TENM3: variants seen among roughly 807,000 people sequenced by gnomAD.
TENM3 encodes teneurin transmembrane protein 3, also known as teneurin-3.
A neutral mutation model predicts 255.1 loss-of-function variants in TENM3; 63 were observed. That is an observed-to-expected ratio of 0.25 (90% CI 0.20 to 0.30). The LOEUF (loss-of-function observed/expected upper bound fraction) is 0.30, where lower values mean the gene tolerates loss of function less well. Ranked by LOEUF, TENM3 falls within the 10% of genes least tolerant of loss-of-function variation. The pLI is 1.00. For missense variants in TENM3, 2,929 were observed against 3,461.1 expected, an observed-to-expected ratio of 0.85 and a Z score of 3.86; for synonymous variants, 1,306 against 1,322.3, an observed-to-expected ratio of 0.99 and a Z score of 0.27.
At chr4:182,058,332 C>T in the TENM3 span, among the ~76,000 whole-genome samples, 1 of 152,044 alleles carries the variant, frequency 6.6e-6, no homozygotes, top group South Asian at 2.1e-4. Flanking sequence ...CTAGCTATGT[C>T]TCTGGTGGCA....
the TENM3 span, among the ~76,000 whole-genome samples, chr4:181,681,728 G>T: frequency 1.7e-4 from 26 of 149,022 alleles, no homozygotes; most frequent in African/African-American, 6.1e-4. Flanking sequence ...GGCAAAATTT[G>T]GTTTTAGGTA....
the TENM3 span, among the ~76,000 whole-genome samples, chr4:181,583,906 C>T: frequency 6.6e-6 from 1 of 152,216 alleles, no homozygotes; most frequent in Non-Finnish European, 1.5e-5. Flanking sequence ...AGGACACCTT[C>T]CTTGTCTTCT....
the TENM3 span, among the ~76,000 whole-genome samples, chr4:181,575,946 T>C: frequency 1.3e-3 from 193 of 148,730 alleles, 1 homozygote; most frequent in East Asian, 0.017. Context: ...ACACATTTTG[T>C]TTTGCTTTGT....
chr4:181,505,124 C>T, the TENM3 span, among the ~76,000 whole-genome samples: 1 of 152,110 alleles, frequency 6.6e-6, no homozygotes, highest in African/African-American at 2.4e-5. Flanking sequence ...TTGCTCTGCT[C>T]GATATCAGGT....
chr4:182,178,744 C>T (rs1752670699), intron 1 of TENM3, among the ~76,000 whole-genome samples: 1 of 152,164 alleles, frequency 6.6e-6, no homozygotes, highest in African/African-American at 2.4e-5. Flanking sequence ...AAGCTTCTAA[C>T]TTTCTCCAGA....
At chr4:182,422,908 G>A (rs752144893) in intron 3 of TENM3, among the ~76,000 whole-genome samples, 6 of 152,310 alleles carry the variant, frequency 3.9e-5, no homozygotes, top group Non-Finnish European at 8.8e-5. Flanking sequence ...GGCATGGAAA[G>A]TCTAAGTTGC....
chr4:182,755,735 G>T (rs1305214507), intron 22 of TENM3, among the ~76,000 whole-genome samples: 1 of 152,112 alleles, frequency 6.6e-6, no homozygotes, highest in East Asian at 1.9e-4. Flanking sequence ...AGCTACTCGG[G>T]AGGCTGAGGC....
chr4:182,466,981 C>T (rs895192709), intron 3 of TENM3, among the ~76,000 whole-genome samples: 1 of 151,866 alleles, frequency 6.6e-6, no homozygotes, highest in African/African-American at 2.4e-5. Flanking sequence ...TTCTTTTCTC[C>T]CAAGAGTCTC....
chr4:182,452,964 C>T (rs889982306), intron 3 of TENM3, among the ~76,000 whole-genome samples: 5 of 151,656 alleles, frequency 3.3e-5, no homozygotes, highest in African/African-American at 4.8e-5. Context: ...CTGATATGTC[C>T]GAGTTTGGTT....
At chr4:182,643,540 C>A (rs1180724343) in intron 5 of TENM3, among the ~76,000 whole-genome samples, 1 of 152,084 alleles carries the variant, frequency 6.6e-6, no homozygotes, top group East Asian at 1.9e-4. Flanking sequence ...TTCAGATTTT[C>A]TTTGTAAATG....
At position 182,620,245 on chromosome 4, in the gene TENM3, T is replaced by C. The variant is rs543508229; in HGVS notation, c.750-8406T>C. Among the ~76,000 whole-genome samples, 116 of 152,328 alleles carry C rather than the reference T, an allele frequency of 7.6e-4. 2 individuals carry two copies. The South Asian group carries it at 0.024, about 31-fold the overall frequency. On this transcript the variant is annotated intron_variant, in intron 4 of 27. Transcript: ENST00000511685. ...ACTGTCTACTCTCCATATAGCCGAATTTCAGTATTCCATTCCTTCGTTAAA... is the reference window on the plus strand; with the variant it reads ...ACTGTCTACTCTCCATATAGCCGAACTTCAGTATTCCATTCCTTCGTTAAA...
At chr4:182,790,313 G>A (rs751340004) in intron 25 of TENM3, among the ~76,000 whole-genome samples, 2 of 152,088 alleles carry the variant, frequency 1.3e-5, no homozygotes, top group Non-Finnish European at 2.9e-5. Context: ...TGACTGAAAC[G>A]TTGCACAGAG....
chr4:182,148,545 TA>T (rs1304815747), intron 1 of TENM3, among the ~76,000 whole-genome samples: 1 of 152,136 alleles, frequency 6.6e-6, no homozygotes, highest in East Asian at 1.9e-4. Context: ...TTTGAGTCAT[TA>T]ATAGTAACTG....
intron 24 of TENM3, among the ~76,000 whole-genome samples, chr4:182,776,458 G>A (rs751116511): frequency 6.6e-6 from 1 of 152,104 alleles, no homozygotes; most frequent in Non-Finnish European, 1.5e-5. Flanking sequence ...TGACCCTAAC[G>A]CAGATAGCCT....
At chr4:182,409,979 T>C (rs573283590) in intron 3 of TENM3, among the ~76,000 whole-genome samples, 2 of 152,072 alleles carry the variant, frequency 1.3e-5, no homozygotes, top group East Asian at 1.9e-4. Flanking sequence ...AGAGTAGCCA[T>C]CATGCCTGGC....
At chr4:181,933,544 G>A in the TENM3 span, among the ~76,000 whole-genome samples, 1 of 152,116 alleles carries the variant, frequency 6.6e-6, no homozygotes. Flanking sequence ...CGTAACCAAA[G>A]AGGCTTCCAA....
the TENM3 span, among the ~76,000 whole-genome samples, chr4:181,493,887 C>T: frequency 6.6e-6 from 1 of 152,096 alleles, no homozygotes; most frequent in Non-Finnish European, 1.5e-5. Context: ...CCCTCCATAC[C>T]TCTATTTACC....
At chr4:181,495,388 C>A in the TENM3 span, among the ~76,000 whole-genome samples, 1 of 152,122 alleles carries the variant, frequency 6.6e-6, no homozygotes, top group Non-Finnish European at 1.5e-5. Context: ...GAAATGAAGT[C>A]CCTCTAGAAA....
intron 3 of TENM3, among the ~76,000 whole-genome samples, chr4:182,537,946 T>C (rs1048796659): frequency 6.6e-6 from 1 of 152,198 alleles, no homozygotes. Flanking sequence ...GTGCATTGTT[T>C]GTAATCTTCC....
Sources: gnomAD v4.1 joint callset for allele counts (sites outside exome capture counted in the v4.1 genomes callset) on GRCh38, gnomAD v4.1.1 for gene constraint, MANE v1.5 for transcripts, NCBI Gene and HGNC (gene_info 2026-07-23, HGNC 2026-07-21) for gene names.